Variants in CUL7 observed in about 807,000 individuals in gnomAD.
The protein encoded by CUL7 is cullin 7.
Under a neutral mutation model 177.7 loss-of-function variants are expected in CUL7, and 96 were observed. That is an observed-to-expected ratio of 0.54 (90% CI 0.46 to 0.64). The LOEUF (loss-of-function observed/expected upper bound fraction) is 0.64, where lower values mean the gene tolerates loss of function less well. CUL7 is among the 30% of genes least tolerant of loss of function. The pLI is 0.00. For synonymous variants in CUL7, 824 were observed against 890.2 expected, an observed-to-expected ratio of 0.93 and a Z score of 1.32; for missense variants, 1,893 against 2,187.9, an observed-to-expected ratio of 0.87 and a Z score of 2.69.
In CUL7 at chr6:43,050,323, T is replaced by C. The variant is rs1245163237; in HGVS notation, c.1309A>G (p.Ile437Val). 6.2e-7 allele frequency: 1 copy of C among 1,614,134 alleles called. No individual in the cohort carries two copies. Among genetic ancestry groups the C allele is most frequent in the East Asian group, 2.2e-5 (1 of 44,872 alleles). The change falls in exon 5 of 26, where the codon ATT becomes GTT. Residue 437 changes from isoleucine to valine, a missense_variant. This residue lies in a region of CUL7 where 653 missense variants were observed against 725.2 expected (regional missense o/e 0.90). Transcript: ENST00000265348. This position sits in a 1 kb window ranked among gnomAD's most constrained non-coding sequence, Gnocchi z 4.1. ...MLEILGFEED[I>V]EDMVEADEYQ... ...TCATCAGCCTCAACCATGTCCTCAATGTCTTCCTCAAAGCCCAAGATCTCC... is the reference window on the plus strand; with the variant it reads ...TCATCAGCCTCAACCATGTCCTCAACGTCTTCCTCAAAGCCCAAGATCTCC...
chr6:43,046,717 G>T, intron 10 of CUL7, 116 bp from the exon 11 acceptor site: 1 of 1,481,508 alleles, frequency 6.7e-7, no homozygotes, highest in Non-Finnish European at 9.3e-7. Flanking sequence ...TACAGCACCA[G>T]CAGAGCAGGC....
At position 43,043,383 on chromosome 6, in the gene CUL7, T is replaced by C; in HGVS notation, c.3355+65A>G. On this transcript the variant is annotated intron_variant, in intron 17 of 25. Coordinates refer to ENST00000265348, the MANE Select transcript of CUL7 (RefSeq NM_014780.5). This position sits in a 1 kb window ranked among gnomAD's most constrained non-coding sequence, Gnocchi z 4.2. ...GATGGGGATGGACAGAAGCCTGTGG[T>C]GTACACATGGGGCCCAGGAAAACGC... 6.7e-7 allele frequency: 1 copy of C among 1,495,316 alleles called. No homozygotes were observed. Among genetic ancestry groups the C allele is most frequent in the African/African-American group, 1.4e-5 (1 of 72,378 alleles). 92.6% of individuals were successfully genotyped at this position (1,495,316 alleles called of 1,614,324 possible).
At chr6:43,049,758 C>G in intron 6 of CUL7, 96 bp from the exon 7 acceptor site, 1 of 1,521,316 alleles carries the variant, frequency 6.6e-7, no homozygotes, top group African/African-American at 1.4e-5. Context: ...TGCACACATA[C>G]CCTCCATCCT....
chr6:43,038,764 A>G, intron 23 of CUL7, 72 bp from the exon 24 acceptor site: 1 of 1,612,688 alleles, frequency 6.2e-7, no homozygotes, highest in Non-Finnish European at 8.5e-7. Flanking sequence ...GGGAAGAAGC[A>G]GAGGGAGTCA....
Position 43,051,804 on chromosome 6 carries a change from A to G in CUL7, c.581-41T>C. 6.2e-7 allele frequency: 1 copy of G among 1,601,590 alleles called. No homozygotes were observed. Among genetic ancestry groups the G allele is most frequent in the Non-Finnish European group, 8.6e-7 (1 of 1,169,238 alleles). On this transcript the variant is annotated intron_variant, in intron 2 of 25. Transcript: ENST00000265348. The surrounding 1 kb of genome is among the most constrained non-coding windows in gnomAD (Gnocchi z 5.0). ...CAGTTGGTAACTTCTCCCTAATCTC[A>G]CCCTTCCTAGAAATCTTAGACCCTC... is the stretch of plus-strand genomic sequence containing the variant.
Position 43,051,600 on chromosome 6 carries a change from C to G in CUL7, c.732+12G>C, listed in dbSNP as rs1220085162. On this transcript the variant is annotated intron_variant, in intron 3 of 25. Transcript: ENST00000265348. The surrounding 1 kb of genome is among the most constrained non-coding windows in gnomAD (Gnocchi z 5.0). Reference sequence around the variant, plus strand: ...TCACAAGTTCCCCCCACCTTACACCCCCAAAGGTTACCTGTGGTAGCTGAA... The same window carrying G: ...TCACAAGTTCCCCCCACCTTACACCGCCAAAGGTTACCTGTGGTAGCTGAA... 6.2e-7 allele frequency: 1 copy of G among 1,614,124 alleles called. No homozygotes were observed.
At position 43,047,889 on chromosome 6, in the gene CUL7, T is replaced by G; in HGVS notation, c.2169+259A>C. ...TACAAGTAGTTACCAGTAAGGGGTGTGTGGGGGACCCTGGGGGAACAGAGA... is the reference window on the plus strand; with the variant it reads ...TACAAGTAGTTACCAGTAAGGGGTGGGTGGGGGACCCTGGGGGAACAGAGA... On this transcript the variant is annotated intron_variant, in intron 9 of 25. Coordinates refer to ENST00000265348, the MANE Select transcript of CUL7 (RefSeq NM_014780.5). The G allele has an allele frequency of 5.5e-6, 3 of 541,786 alleles. No homozygotes were observed. The East Asian group carries it at 9.0e-5, about 16-fold the overall frequency. The allele number at this position is 541,786 out of a possible 1,614,324, so 33.6% of individuals were successfully genotyped here.
Position 43,051,217 on chromosome 6 carries a change from AC to A in CUL7, c.983del (p.Gly328ValfsTer11), listed in dbSNP as rs776691539. On this transcript the variant is annotated frameshift_variant, in exon 4 of 26. Coordinates refer to ENST00000265348, the MANE Select transcript of CUL7 (RefSeq NM_014780.5). LOFTEE classifies it high-confidence loss of function. This position sits in a 1 kb window ranked among gnomAD's most constrained non-coding sequence, Gnocchi z 5.0. ...DRPRSSARSP[G>X]SIFQPQLADV... is the part of the protein sequence containing the mutation. ...CTGCCAGCTGAGGCTGGAAGATGGA[AC>A]CGGGGGACCGTGCTGAGCTCCTTGG... The A allele has an allele frequency of 2.5e-6, 4 of 1,614,142 alleles. No individual in the cohort carries two copies. In the South Asian group the frequency reaches 4.4e-5, roughly 18 times the overall value.
chr6:43,046,632 C>T, intron 10 of CUL7, 31 bp from the exon 11 acceptor site: 2 of 1,613,710 alleles, frequency 1.2e-6, no homozygotes, highest in Non-Finnish European at 1.7e-6. Flanking sequence ...AGAAGGGGCA[C>T]AGGGGCAGAA....
In CUL7 at chr6:43,038,578, C is replaced by T. The variant is rs376225985; in HGVS notation, c.4555G>A (p.Asp1519Asn). ...RGPLDLHEQK[D>N]IPGGVLKIRD... ...CCTAAGTGCATACCTCCTGGTATAT[C>T]CTTTTGCTCGTGAAGGTCCAGGGGG... The change falls in exon 24 of 26, where the codon GAT (aspartate) becomes AAT (asparagine). Residue 1519 changes from aspartate to asparagine, a missense_variant. Around this residue, in one of 5 missense-constraint regions of CUL7, gnomAD observed 248 missense variants for 262.5 expected, o/e 0.94. Coordinates refer to ENST00000265348, the MANE Select transcript of CUL7 (RefSeq NM_014780.5). The T allele has an allele frequency of 1.9e-6, 3 of 1,614,028 alleles. No homozygotes were observed. The highest frequency in any genetic ancestry group is 2.2e-5 in the South Asian group (2 of 91,096).
chr6:43,045,538 G>A lies in CUL7; in HGVS notation c.2862+49C>T, dbSNP rs1322546778. 1.2e-6 allele frequency: 2 copies of A among 1,613,296 alleles called. No individual in the cohort carries two copies. The highest frequency in any genetic ancestry group is 1.7e-6 in the Non-Finnish European group (2 of 1,179,544). ...CTGGCTTAAGATCTGCCTGTTTATG[G>A]GGCTCAGAGCCCCCTACCCAGGGCC... is the stretch of plus-strand genomic sequence containing the variant. On this transcript the variant is annotated intron_variant, in intron 14 of 25. Coordinates refer to ENST00000265348, the MANE Select transcript of CUL7 (RefSeq NM_014780.5). This position sits in a 1 kb window ranked among gnomAD's most constrained non-coding sequence, Gnocchi z 4.8.
At chr6:43,046,685 C>T in intron 10 of CUL7, 84 bp from the exon 11 acceptor site, 1 of 1,580,132 alleles carries the variant, frequency 6.3e-7, no homozygotes, top group Non-Finnish European at 8.6e-7. Flanking sequence ...AAGGAGAGAC[C>T]ATGCAGCAGT....
Position 43,050,466 on chromosome 6 carries a change from A to C in CUL7, c.1234-68T>G. ...CACAAATGACTGGCTGTGGCCCAGT[A>C]CTGAGGACTATAGCCCTCAGGGTGA... On this transcript the variant is annotated intron_variant, in intron 4 of 25. Transcript: ENST00000265348. The surrounding 1 kb of genome is among the most constrained non-coding windows in gnomAD (Gnocchi z 4.1). The C allele has an allele frequency of 6.3e-7, 1 of 1,589,728 alleles. No individual in the cohort carries two copies. The highest frequency in any genetic ancestry group is 8.6e-7 in the Non-Finnish European group (1 of 1,163,696).
intron 9 of CUL7, among the ~76,000 whole-genome samples, chr6:43,047,580 T>C (rs1764024897): frequency 6.6e-6 from 1 of 152,112 alleles, no homozygotes; most frequent in African/African-American, 2.4e-5. Flanking sequence ...ACACTGCAAA[T>C]ACCTACTGTC....
Position 43,040,412 on chromosome 6 carries a change from G to A in CUL7, c.4038C>T (p.Ala1346=). The change falls in exon 22 of 26, where the codon GCC becomes GCT. Residue 1346 remains alanine (A), a synonymous_variant. Transcript: ENST00000265348. The surrounding 1 kb of genome is among the most constrained non-coding windows in gnomAD (Gnocchi z 4.2). ...TCTCGCTCTTGTGCTCCTTGCCACT[G>A]GCCCCAAGGCCCACCTGAAGGAGCA... is the stretch of plus-strand genomic sequence containing the variant. ...TEKKIQVGLG[A]SGKEHKSEKE... is the part of the protein sequence containing the mutation. 6.2e-7 allele frequency: 1 copy of A among 1,612,530 alleles called. No individual in the cohort carries two copies. The highest frequency in any genetic ancestry group is 8.5e-7 in the Non-Finnish European group (1 of 1,180,030).
chr6:43,048,587 T>G lies in CUL7; in HGVS notation c.1826-18A>C. ...TTCTTTTGCTACAGGAAGGGGACAG[T>G]CACAGGAGTTGGCCATTGTTAGTAA... On this transcript the variant is annotated intron_variant, in intron 7 of 25. Transcript: ENST00000265348. 1 of 1,570,802 alleles carries G rather than the reference T, an allele frequency of 6.4e-7. No homozygotes were observed. Among genetic ancestry groups the G allele is most frequent in the Non-Finnish European group, 8.8e-7 (1 of 1,140,808 alleles).
At position 43,050,673 on chromosome 6, in the gene CUL7, C is replaced by T. The variant is rs1196362993; in HGVS notation, c.1234-275G>A. Among the ~76,000 whole-genome samples, 1 of 151,586 alleles carries T rather than the reference C, an allele frequency of 6.6e-6. No homozygotes were observed. Among genetic ancestry groups the T allele is most frequent in the Non-Finnish European group, 1.5e-5 (1 of 67,906 alleles). On this transcript the variant is annotated intron_variant, in intron 4 of 25. Transcript: ENST00000265348. This position sits in a 1 kb window ranked among gnomAD's most constrained non-coding sequence, Gnocchi z 4.1. Reference sequence around the variant, plus strand: ...ACCCTGTCTTTCATGGCTTATGCCCCCACACTTCCTTCTGGCCTCCACCAC... The same window carrying T: ...ACCCTGTCTTTCATGGCTTATGCCCTCACACTTCCTTCTGGCCTCCACCAC...
Position 43,045,605 on chromosome 6 carries a change from G to T in CUL7, c.2844C>A (p.Arg948=). The change falls in exon 14 of 26, where the codon CGC becomes CGA. Residue 948 remains arginine (R), a synonymous_variant. Transcript: ENST00000265348. The surrounding 1 kb of genome is among the most constrained non-coding windows in gnomAD (Gnocchi z 4.8). ...GCCCCACCTGCTGGCAGCGCTTTAT[G>T]CGGATCTGGATGATGGGCCAGAAGC... The part of the protein sequence containing the change: ...LTRFWPIIQI[R]IKRCQQGGID... 1 of 1,614,220 alleles carries T rather than the reference G, an allele frequency of 6.2e-7. No individual in the cohort carries two copies. The highest frequency in any genetic ancestry group is 8.5e-7 in the Non-Finnish European group (1 of 1,180,036).
rs761182066 is a variant in CUL7 at position 43,047,020 on chromosome 6, C to T, written c.2257G>A (p.Asp753Asn). Residue 753 changes from aspartate (D) to asparagine (N), a missense_variant, in exon 10 of 26, where the codon GAC becomes AAC. This residue lies in a region of CUL7 where 973 missense variants were observed against 1,140.9 expected (regional missense o/e 0.85). Transcript: ENST00000265348. ...TTTTCCAGGGCCTTGGAGATAGCGT[C>T]TCTTGCTCCCAGCTGATTCAGCACC... is the stretch of plus-strand genomic sequence containing the variant. Reference protein sequence around the residue: ...AVVLNQLGARDAISKALEKHL... With the variant: ...AVVLNQLGARNAISKALEKHL... 12 of 1,613,306 alleles carry T rather than the reference C, an allele frequency of 7.4e-6. No homozygotes were observed. The highest frequency in any genetic ancestry group is 1.0e-5 in the Non-Finnish European group (12 of 1,179,270).
Sources: gnomAD v4.1 joint callset for allele counts (sites outside exome capture counted in the v4.1 genomes callset) on GRCh38, gnomAD v4.1.1 for gene constraint, gnomAD v4.1.1 regional missense constraint, Gnocchi (gnomAD v3.1) non-coding constraint, MANE v1.5 for transcripts, NCBI Gene and HGNC (gene_info 2026-07-23, HGNC 2026-07-21) for gene names.